The following PSD3 variants were observed in gnomAD, a reference collection of about 807,000 sequenced individuals.
The protein encoded by PSD3 is PH and SEC7 domain-containing protein 3.
In PSD3, 49 loss-of-function variants were observed where a neutral mutation model predicts 105.5. That is an observed-to-expected ratio of 0.46 (90% CI 0.37 to 0.59). PSD3 has a LOEUF of 0.59. Ranked by LOEUF, PSD3 falls within the 20% of genes least tolerant of loss-of-function variation. The pLI, the probability that PSD3 is intolerant of heterozygous loss-of-function variation, is 0.00. For missense variants in PSD3, 1,561 were observed against 1,263.8 expected (o/e 1.24, Z -3.57); for synonymous variants, 557 against 457.8 (o/e 1.22, Z -2.77).
intron 14 of PSD3, among the ~76,000 whole-genome samples, chr8:18,567,084 T>C (rs2717721): frequency 0.083 from 12,572 of 152,250 alleles, 1,220 homozygotes; most frequent in African/African-American, 0.23. Context: ...GAAACACTCA[T>C]ATGTTGCTCT....
intron 13 of PSD3, 61 bp from the exon 14 acceptor site, chr8:18,572,733 G>A: frequency 2.6e-6 from 4 of 1,556,228 alleles, no homozygotes; most frequent in African/African-American, 1.4e-5. Context: ...ATCACACTTT[G>A]CCTATTTCAC....
chr8:18,810,946 C>A (rs1191609422), intron 4 of PSD3, among the ~76,000 whole-genome samples: 3 of 152,176 alleles, frequency 2.0e-5, no homozygotes, highest in Non-Finnish European at 2.9e-5. Context: ...ATAAGTAAAA[C>A]CCTAAATCAT....
intron 9 of PSD3, among the ~76,000 whole-genome samples, chr8:18,754,150 G>A (rs1009547765): frequency 4.6e-5 from 7 of 152,146 alleles, no homozygotes; most frequent in African/African-American, 1.2e-4. Flanking sequence ...TTGGGAAGCC[G>A]AGGTGGGTGG....
chr8:18,550,420 T>C (rs922502257), intron 15 of PSD3, among the ~76,000 whole-genome samples: 4 of 152,250 alleles, frequency 2.6e-5, no homozygotes, highest in Non-Finnish European at 5.9e-5. Flanking sequence ...GTATAAACTG[T>C]TGATCTTACA....
At chr8:18,553,670 G>A (rs1800906067) in intron 15 of PSD3, among the ~76,000 whole-genome samples, 1 of 152,144 alleles carries the variant, frequency 6.6e-6, no homozygotes, top group African/African-American at 2.4e-5. Flanking sequence ...TCCGGTGGCT[G>A]CAACAATAGC....
At chr8:18,794,382 G>A (rs1586019671) in intron 8 of PSD3, among the ~76,000 whole-genome samples, 1 of 2,584 alleles carries the variant, frequency 3.9e-4, no homozygotes, top group East Asian at 1.5e-3. Flanking sequence ...GGTCTGTGCT[G>A]AGGAGGATTA....
chr8:18,637,755 A>G lies in PSD3; in HGVS notation c.2217-4949T>C, dbSNP rs539264988. ...AAAACTATTTGTATCTACAACCAATACCATAATAAAAATATAAAAATACAG... is the reference window on the plus strand; with the variant it reads ...AAAACTATTTGTATCTACAACCAATGCCATAATAAAAATATAAAAATACAG... On this transcript the variant is annotated intron_variant, in intron 10 of 15. Transcript: ENST00000327040. Among the ~76,000 whole-genome samples the G allele has an allele frequency of 5.3e-5, 8 of 152,282 alleles. No individual in the cohort carries two copies. The East Asian group carries it at 1.4e-3, about 26-fold the overall frequency.
chr8:18,778,332 A>C (rs559639011), intron 8 of PSD3, among the ~76,000 whole-genome samples: 1 of 152,280 alleles, frequency 6.6e-6, no homozygotes, highest in Non-Finnish European at 1.5e-5. Context: ...TTGAAACTTT[A>C]CTGAGTTCAT....
chr8:18,934,069 T>A lies in PSD3; in HGVS notation c.130+1965A>T, dbSNP rs1821918782. ...TTAAGATATCTAATAAATATTCACTTTTTAAGCTAAAAGAAGTTATTATAT... is the reference window on the plus strand; with the variant it reads ...TTAAGATATCTAATAAATATTCACTATTTAAGCTAAAAGAAGTTATTATAT... On this transcript the variant is annotated intron_variant, in intron 2 of 15. Coordinates refer to ENST00000327040, the MANE Select transcript of PSD3 (RefSeq NM_015310.4). 1.3e-5 allele frequency among the ~76,000 whole-genome samples: 2 copies of A among 152,216 alleles called. 1 individual carries two copies. Among genetic ancestry groups the A allele is most frequent in the South Asian group, 4.1e-4 (2 of 4,834 alleles).
intron 1 of PSD3, among the ~76,000 whole-genome samples, chr8:18,971,692 G>T (rs1824661880): frequency 6.6e-6 from 1 of 152,052 alleles, no homozygotes; most frequent in African/African-American, 2.4e-5. Flanking sequence ...GGATTCGGAG[G>T]GTCCCTTCCT....
intron 11 of PSD3, among the ~76,000 whole-genome samples, chr8:18,607,455 T>G (rs1470051628): frequency 6.6e-6 from 1 of 152,118 alleles, no homozygotes; most frequent in Non-Finnish European, 1.5e-5. Flanking sequence ...GTGGAACCTA[T>G]GACCACCTTC....
At chr8:18,901,763 T>C (rs1234348595) in intron 2 of PSD3, among the ~76,000 whole-genome samples, 1 of 152,218 alleles carries the variant, frequency 6.6e-6, no homozygotes, top group Non-Finnish European at 1.5e-5. Context: ...AAATACTTTA[T>C]TTCTCCCTCA....
At position 18,535,656 on chromosome 8, in the gene PSD3, T is replaced by TG; in HGVS notation, c.*86_*87insC. On this transcript the variant is annotated 3_prime_UTR_variant, in exon 16 of 16. Transcript: ENST00000327040. Reference sequence around the variant, plus strand: ...GCACCGTTTTGTCACAGACTTTTTTTTTTTAAATATATTCACGGATTACCA... The same window carrying TG: ...GCACCGTTTTGTCACAGACTTTTTTTGTTTTAAATATATTCACGGATTACCA... The TG allele has an allele frequency of 8.5e-7, 1 of 1,176,208 alleles. No homozygotes were observed. The highest frequency in any genetic ancestry group is 2.4e-5 in the East Asian group (1 of 42,444). 72.9% of individuals were successfully genotyped at this position (1,176,208 alleles called of 1,614,324 possible).
intron 1 of PSD3, among the ~76,000 whole-genome samples, chr8:19,062,461 G>C (rs1019918079): frequency 1.1e-4 from 16 of 152,156 alleles, no homozygotes; most frequent in African/African-American, 3.6e-4. Context: ...AAGTCATGCA[G>C]TTAAGAACAG....
At chr8:18,666,547 T>C (rs568562786) in intron 9 of PSD3, among the ~76,000 whole-genome samples, 1 of 152,106 alleles carries the variant, frequency 6.6e-6, no homozygotes, top group Non-Finnish European at 1.5e-5. Flanking sequence ...CAAATGCTGG[T>C]TCATCATCAA....
At chr8:18,616,743 C>A (rs1459688039) in intron 11 of PSD3, among the ~76,000 whole-genome samples, 3 of 149,322 alleles carry the variant, frequency 2.0e-5, no homozygotes, top group Non-Finnish European at 4.5e-5. Context: ...CCTGCCTCAG[C>A]CTCCCAAGTA....
chr8:18,872,178 A>G lies in PSD3; in HGVS notation c.686T>C (p.Ile229Thr), dbSNP rs760671563. ...CCTCCCATTATTCATTATCTGGGAA[A>G]TCTCTGCCTGAGTGTCTCCAGTTAA... The part of the protein sequence containing the change: ...ALLTGDTQAE[I>T]SQIMNNGRKG... The change falls in exon 3 of 16, where the codon ATT becomes ACT. Residue 229 changes from isoleucine to threonine, a missense_variant. Physicochemically the swap from Ile to Thr is moderately conservative, Grantham distance 89. Transcript: ENST00000327040. 1.2e-6 allele frequency: 2 copies of G among 1,614,180 alleles called. No individual in the cohort carries two copies. The highest frequency in any genetic ancestry group is 1.7e-5 in the Admixed American group (1 of 60,028).
chr8:18,878,249 C>A (rs1358040514), intron 2 of PSD3, among the ~76,000 whole-genome samples: 1 of 152,052 alleles, frequency 6.6e-6, no homozygotes, highest in Non-Finnish European at 1.5e-5. Flanking sequence ...AGTAGCCATG[C>A]ATAGAAATTC....
At chr8:18,584,998 T>C (rs748892962) in intron 12 of PSD3, among the ~76,000 whole-genome samples, 11 of 152,126 alleles carry the variant, frequency 7.2e-5, no homozygotes, top group Non-Finnish European at 5.9e-5. Flanking sequence ...GTCATATATA[T>C]AATTAATGTC....
Sources: gnomAD v4.1 joint callset for allele counts (sites outside exome capture counted in the v4.1 genomes callset) on GRCh38, gnomAD v4.1.1 for gene constraint, MANE v1.5 for transcripts, NCBI Gene and HGNC (gene_info 2026-07-23, HGNC 2026-07-21) for gene names.